Variants in LOC400499 observed in about 807,000 individuals in gnomAD.
chr16:11,436,563 T>C, the LOC400499 span, among the ~76,000 whole-genome samples: 1 of 152,090 alleles, frequency 6.6e-6, no homozygotes, highest in African/African-American at 2.4e-5. Context: ...AGCCTGTGCA[T>C]TACAATCACA....
the LOC400499 span, chr16:11,488,784 C>T: frequency 8.8e-5 from 35 of 398,934 alleles, no homozygotes; most frequent in African/African-American, 2.3e-4. Context: ...AGGATGTCCT[C>T]GGGGAGGGTG....
the LOC400499 span, among the ~76,000 whole-genome samples, chr16:11,479,191 C>T: frequency 6.6e-6 from 1 of 152,190 alleles, no homozygotes; most frequent in East Asian, 1.9e-4. Context: ...GTGCAAAACT[C>T]CTAGAGCATG....
At chr16:11,444,841 G>C in the LOC400499 span, among the ~76,000 whole-genome samples, 1 of 152,154 alleles carries the variant, frequency 6.6e-6, no homozygotes, top group Non-Finnish European at 1.5e-5. Context: ...CAGCATTCTG[G>C]AGGCCAAGAT....
At chr16:11,507,347 T>C in the LOC400499 span, among the ~76,000 whole-genome samples, 1 of 149,006 alleles carries the variant, frequency 6.7e-6, no homozygotes, top group Non-Finnish European at 1.5e-5. Flanking sequence ...CATCCCACAT[T>C]GCACGTGACA....
chr16:11,410,934 T>C, the LOC400499 span, among the ~76,000 whole-genome samples: 5 of 152,180 alleles, frequency 3.3e-5, no homozygotes, highest in East Asian at 3.9e-4. Context: ...TGTCATCTGC[T>C]CCAGCTTCTA....
the LOC400499 span, among the ~76,000 whole-genome samples, chr16:11,418,391 G>T: frequency 1.3e-5 from 2 of 152,168 alleles, no homozygotes; most frequent in African/African-American, 4.8e-5. Flanking sequence ...GATAAAACAG[G>T]TTGCAGTAAA....
chr16:11,436,701 C>T, the LOC400499 span, among the ~76,000 whole-genome samples: 1 of 152,074 alleles, frequency 6.6e-6, no homozygotes, highest in Non-Finnish European at 1.5e-5. Flanking sequence ...AATTCTCCTG[C>T]CTCAGCCTCC....
chr16:11,507,565 G>C, the LOC400499 span, among the ~76,000 whole-genome samples: 2 of 152,206 alleles, frequency 1.3e-5, no homozygotes, highest in African/African-American at 4.8e-5. Context: ...ATTTCACTGA[G>C]ATGATTAAAT....
the LOC400499 span, among the ~76,000 whole-genome samples, chr16:11,505,355 G>T: frequency 2.0e-5 from 3 of 149,926 alleles, no homozygotes; most frequent in Non-Finnish European, 4.4e-5. Context: ...GTAAAATGTA[G>T]TAAAATAACC....
At chr16:11,454,603 G>C in the LOC400499 span, among the ~76,000 whole-genome samples, 1 of 152,244 alleles carries the variant, frequency 6.6e-6, no homozygotes, top group Non-Finnish European at 1.5e-5. Flanking sequence ...GAAAAGGCAA[G>C]GGAGGGTTGT....
At chr16:11,384,665 C>T in the LOC400499 span, among the ~76,000 whole-genome samples, 1 of 152,104 alleles carries the variant, frequency 6.6e-6, no homozygotes, top group East Asian at 1.9e-4. Context: ...GCGTGTCCCA[C>T]GGATGGGACA....
the LOC400499 span, among the ~76,000 whole-genome samples, chr16:11,473,927 C>T: frequency 2.0e-5 from 3 of 152,202 alleles, no homozygotes; most frequent in Non-Finnish European, 2.9e-5. Context: ...ATGAACACAG[C>T]TCACTGTTGC....
chr16:11,501,034 C>T, the LOC400499 span: 4 of 398,300 alleles, frequency 1.0e-5, no homozygotes, highest in Non-Finnish European at 1.8e-5. Flanking sequence ...CGAAGTCACC[C>T]GGGGGTAAAC....
At chr16:11,526,202 T>C in the LOC400499 span, among the ~76,000 whole-genome samples, 3 of 152,208 alleles carry the variant, frequency 2.0e-5, no homozygotes, top group African/African-American at 7.2e-5. Flanking sequence ...ATGAAGCATC[T>C]AAAATGTTAC....
chr16:11,456,048 T>A, the LOC400499 span, among the ~76,000 whole-genome samples: 1 of 151,464 alleles, frequency 6.6e-6, no homozygotes, highest in Non-Finnish European at 1.5e-5. Context: ...ATAAAATTTT[T>A]TTTTTTTTTT....
At chr16:11,416,188 G>C in the LOC400499 span, among the ~76,000 whole-genome samples, 4 of 151,992 alleles carry the variant, frequency 2.6e-5, no homozygotes, top group African/African-American at 9.7e-5. Context: ...GACCTCAAAT[G>C]ATCCACCCGC....
At chr16:11,384,042 C>CT in the LOC400499 span, 3 of 1,231,830 alleles carry the variant, frequency 2.4e-6, no homozygotes, top group Non-Finnish European at 3.0e-6. Flanking sequence ...AGGCCTCCTG[C>CT]TGGACCATGT....
At chr16:11,461,646 G>A in the LOC400499 span, among the ~76,000 whole-genome samples, 2 of 152,202 alleles carry the variant, frequency 1.3e-5, no homozygotes, top group African/African-American at 2.4e-5. Flanking sequence ...CAGCCAGAAC[G>A]CACAGGTGAA....
At chr16:11,476,471 G>A in the LOC400499 span, among the ~76,000 whole-genome samples, 4 of 151,788 alleles carry the variant, frequency 2.6e-5, no homozygotes, top group East Asian at 3.9e-4. Flanking sequence ...GGACACACAC[G>A]CACTCCCACA....
Sources: allele counts gnomAD v4.1 joint callset (sites outside exome capture counted in the v4.1 genomes callset), GRCh38; gene constraint gnomAD v4.1.1; transcripts MANE v1.5.